Variants in PGBD5 observed in about 807,000 individuals in gnomAD.
The protein encoded by PGBD5 is piggyBac transposable element-derived protein 5.
In PGBD5, 14 loss-of-function variants were observed where a neutral mutation model predicts 47.9. That is an observed-to-expected ratio of 0.29 (90% confidence interval 0.19 to 0.46). PGBD5 has a LOEUF of 0.46. Ranked by LOEUF, PGBD5 falls within the 20% of genes least tolerant of loss-of-function variation. PGBD5 has a pLI of 1.00. For synonymous variants in PGBD5, 316 were observed against 306.3 expected (o/e 1.03, Z -0.33); for missense variants, 635 against 716.0 (o/e 0.89, Z 1.29).
chr1:230,333,158 T>C lies in PGBD5; in HGVS notation c.1076-117A>G, dbSNP rs1667250569. 2.7e-6 allele frequency: 3 copies of C among 1,099,124 alleles called. No homozygotes were observed. The South Asian group carries it at 4.7e-5, about 17-fold the overall frequency. The allele number at this position is 1,099,124 out of a possible 1,614,324, so 68.1% of individuals were successfully genotyped here. On this transcript the variant is annotated intron_variant, in intron 4 of 6. Transcript: ENST00000391860. Reference sequence around the variant, plus strand: ...ACTGCCCGGTTCTGAGGCTGATGCTTGGGAGTCAGACCCTCTAGAGACCCC... The same window carrying C: ...ACTGCCCGGTTCTGAGGCTGATGCTCGGGAGTCAGACCCTCTAGAGACCCC...
At chr1:230,392,185 T>G (rs1471620727) in intron 1 of PGBD5, among the ~76,000 whole-genome samples, 1 of 152,226 alleles carries the variant, frequency 6.6e-6, no homozygotes, top group Non-Finnish European at 1.5e-5. Flanking sequence ...ATAACCTCAG[T>G]GCTTCCTGGC....
chr1:230,368,996 T>C lies in PGBD5; in HGVS notation c.332-11675A>G, dbSNP rs146074064. ...ACCCTATCTTAGCACTGAAAAAATATTGGGAGCCCAAAGAAGCAAATGAAC... is the reference window on the plus strand; with the variant it reads ...ACCCTATCTTAGCACTGAAAAAATACTGGGAGCCCAAAGAAGCAAATGAAC... On this transcript the variant is annotated intron_variant, in intron 1 of 6. Coordinates refer to ENST00000391860, the MANE Select transcript of PGBD5 (RefSeq NM_001258311.2). Among the ~76,000 whole-genome samples, 109 of 152,328 alleles carry C rather than the reference T, an allele frequency of 7.2e-4. 1 individual carries two copies. In the East Asian group the frequency reaches 0.019, roughly 27 times the overall value.
chr1:230,418,580 T>A (rs1455093800), intron 1 of PGBD5, among the ~76,000 whole-genome samples: 1 of 152,158 alleles, frequency 6.6e-6, no homozygotes, highest in African/African-American at 2.4e-5. Context: ...CAAACACAGC[T>A]CACTGCAGCC....
At chr1:230,403,161 T>C (rs1408706693) in intron 1 of PGBD5, among the ~76,000 whole-genome samples, 4 of 152,204 alleles carry the variant, frequency 2.6e-5, no homozygotes, top group Admixed American at 6.5e-5. Flanking sequence ...ACCTAAGAGT[T>C]TGACCAAAGC....
At chr1:230,336,796 A>T (rs941231005) in intron 4 of PGBD5, among the ~76,000 whole-genome samples, 6 of 150,900 alleles carry the variant, frequency 4.0e-5, no homozygotes, top group African/African-American at 1.2e-4. Flanking sequence ...TGTCCAGGGG[A>T]CGCAGGCTTT....
chr1:230,377,074 G>A (rs1668024159), intron 1 of PGBD5, among the ~76,000 whole-genome samples: 1 of 152,220 alleles, frequency 6.6e-6, no homozygotes, highest in Admixed American at 6.5e-5. Context: ...GTGCAGAGCA[G>A]AGGTCAGTCT....
intron 1 of PGBD5, among the ~76,000 whole-genome samples, chr1:230,397,145 G>A (rs75755446): frequency 1.5e-3 from 234 of 152,272 alleles, no homozygotes; most frequent in South Asian, 4.8e-3. Flanking sequence ...ACCCGCACAC[G>A]CGCCTGCATG....
chr1:230,413,516 A>AG (rs1460833696), intron 1 of PGBD5, among the ~76,000 whole-genome samples: 16 of 152,024 alleles, frequency 1.1e-4, no homozygotes, highest in Non-Finnish European at 1.9e-4. Context: ...AAGGGCGGGG[A>AG]GGGGAAGAGA....
intron 1 of PGBD5, among the ~76,000 whole-genome samples, chr1:230,369,714 T>C (rs1299678090): frequency 6.6e-6 from 1 of 152,142 alleles, no homozygotes; most frequent in Non-Finnish European, 1.5e-5. Flanking sequence ...TCCTGATCCC[T>C]TTCCACAACC....
chr1:230,385,018 A>G (rs867056114), intron 1 of PGBD5, among the ~76,000 whole-genome samples: 11 of 152,250 alleles, frequency 7.2e-5, no homozygotes, highest in African/African-American at 2.4e-4. Context: ...CGAAGGTGAC[A>G]GTTAAAATTG....
intron 5 of PGBD5, among the ~76,000 whole-genome samples, chr1:230,328,809 T>C (rs1340679446): frequency 6.6e-6 from 1 of 152,180 alleles, no homozygotes; most frequent in Non-Finnish European, 1.5e-5. Flanking sequence ...CCATTAGTCT[T>C]AGTGAATGTG....
Position 230,420,110 on chromosome 1 carries a change from G to A in PGBD5, c.331+5488C>T, listed in dbSNP as rs1330528232. Among the ~76,000 whole-genome samples, 3 of 152,102 alleles carry A rather than the reference G, an allele frequency of 2.0e-5. No individual in the cohort carries two copies. In the East Asian group the frequency reaches 5.8e-4, roughly 29 times the overall value. On this transcript the variant is annotated intron_variant, in intron 1 of 6. Transcript: ENST00000391860. ...CATTGCACTCCAGCCTGGGCAAAAT[G>A]AGCAAAACTCCACCTCAAAAACAAA... is the stretch of plus-strand genomic sequence containing the variant.
chr1:230,398,959 G>T (rs1197908007), intron 1 of PGBD5, among the ~76,000 whole-genome samples: 1 of 152,116 alleles, frequency 6.6e-6, no homozygotes, highest in East Asian at 1.9e-4. Context: ...GCTCCGACAA[G>T]AGGGAAAGAC....
intron 3 of PGBD5, among the ~76,000 whole-genome samples, chr1:230,345,022 G>A (rs1446408911): frequency 2.0e-5 from 3 of 152,180 alleles, no homozygotes; most frequent in Admixed American, 6.5e-5. Flanking sequence ...TGCTGGGAAC[G>A]TTGGTCTCAT....
intron 1 of PGBD5, among the ~76,000 whole-genome samples, chr1:230,419,782 T>C (rs1195702026): frequency 6.6e-6 from 1 of 152,162 alleles, no homozygotes. Context: ...CTTACCTCAA[T>C]ATTGCTTTAT....
intron 4 of PGBD5, among the ~76,000 whole-genome samples, chr1:230,335,824 C>A (rs1667311657): frequency 7.9e-6 from 1 of 126,040 alleles, no homozygotes; most frequent in African/African-American, 2.7e-5. Context: ...TACACTGACA[C>A]AGACATACAC....
intron 1 of PGBD5, among the ~76,000 whole-genome samples, chr1:230,364,330 G>A (rs2102711748): frequency 6.6e-6 from 1 of 152,288 alleles, no homozygotes; most frequent in South Asian, 2.1e-4. Flanking sequence ...TTCTGCATAG[G>A]TCTGACCTAC....
chr1:230,333,047 G>A lies in PGBD5; in HGVS notation c.1076-6C>T, dbSNP rs776448764. On this transcript the variant is annotated splice_polypyrimidine_tract_variant and splice_region_variant and intron_variant, in intron 4 of 6. Coordinates refer to ENST00000391860, the MANE Select transcript of PGBD5 (RefSeq NM_001258311.2). ...CAAGCCGCAGCAGTAAATCCCTGAG[G>A]GGAGAGGGAGGAAGGATCGCACACT... 6.3e-7 allele frequency: 1 copy of A among 1,584,290 alleles called. No individual in the cohort carries two copies. The highest frequency in any genetic ancestry group is 2.3e-5 in the East Asian group (1 of 43,700).
intron 1 of PGBD5, among the ~76,000 whole-genome samples, chr1:230,361,136 T>C (rs958266002): frequency 1.3e-5 from 2 of 152,188 alleles, no homozygotes; most frequent in African/African-American, 2.4e-5. Context: ...AGTCACGGGA[T>C]GGTCTTCCCA....
Sources: allele counts gnomAD v4.1 joint callset (sites outside exome capture counted in the v4.1 genomes callset), GRCh38; gene constraint gnomAD v4.1.1; transcripts MANE v1.5; gene names NCBI Gene and HGNC (gene_info 2026-07-23, HGNC 2026-07-21).